SLCO6A1: variants seen among roughly 807,000 people sequenced by gnomAD.
The protein encoded by SLCO6A1 is solute carrier organic anion transporter family member 6A1.
A neutral mutation model predicts 72.7 loss-of-function variants in SLCO6A1; 65 were observed. The ratio of observed to expected loss-of-function variants is 0.89; its 90% CI spans 0.73 to 1.10. The LOEUF (loss-of-function observed/expected upper bound fraction) is 1.10, where lower values mean the gene tolerates loss of function less well. SLCO6A1 is among the 50% of genes least tolerant of loss of function. The pLI is 0.00. For synonymous variants in SLCO6A1, 314 were observed against 298.2 expected (o/e 1.05, Z -0.55); for missense variants, 874 against 872.6 (o/e 1.00, Z -0.02).
intron 9 of SLCO6A1, among the ~76,000 whole-genome samples, chr5:102,405,942 G>T (rs1245756660): frequency 2.6e-5 from 4 of 151,942 alleles, no homozygotes; most frequent in Non-Finnish European, 5.9e-5. Flanking sequence ...TATATGGTGA[G>T]TTTTATATTA....
chr5:102,461,198 T>C (rs1580469645), intron 4 of SLCO6A1, among the ~76,000 whole-genome samples: 1 of 151,878 alleles, frequency 6.6e-6, no homozygotes, highest in East Asian at 1.9e-4. Context: ...ATATATAAAA[T>C]ATAGAGCTTC....
At chr5:102,379,773 C>CA (rs10672287) in intron 12 of SLCO6A1, among the ~76,000 whole-genome samples, 46,940 of 140,860 alleles carry the variant, frequency 0.33, 7,917 homozygotes, top group Non-Finnish European at 0.39. Flanking sequence ...TTGTCAATTT[C>CA]AAAAAAAAAA....
chr5:102,490,032 A>T (rs1241067207), intron 1 of SLCO6A1, among the ~76,000 whole-genome samples: 1 of 152,214 alleles, frequency 6.6e-6, no homozygotes, highest in Non-Finnish European at 1.5e-5. Flanking sequence ...GTATAATCTA[A>T]AAAGGTTGAT....
In SLCO6A1 at chr5:102,480,237, G is replaced by A; in HGVS notation, c.556C>T (p.Leu186Phe). Residue 186 changes from leucine (L) to phenylalanine (F), a missense_variant, in exon 2 of 14, where the codon CTT becomes TTT. Transcript: ENST00000506729. The part of the protein sequence containing the change: ...ASSFLIGLGS[L>F]LCAFPSINEE... ...TTAATGGATGGAAAAGCACATAAAA[G>A]TGATCCAAGTCCTATTAAAAAGGAG... is the stretch of plus-strand genomic sequence containing the variant. The A allele has an allele frequency of 6.2e-7, 1 of 1,612,666 alleles. No homozygotes were observed. The highest frequency in any genetic ancestry group is 8.5e-7 in the Non-Finnish European group (1 of 1,179,224).
chr5:102,449,713 G>A (rs1024643491), intron 6 of SLCO6A1, among the ~76,000 whole-genome samples: 11 of 152,058 alleles, frequency 7.2e-5, no homozygotes, highest in Non-Finnish European at 1.3e-4. Flanking sequence ...GTGAGATTGG[G>A]GAAATTTTTG....
At chr5:102,417,809 A>G (rs1035119362) in intron 8 of SLCO6A1, among the ~76,000 whole-genome samples, 3 of 152,026 alleles carry the variant, frequency 2.0e-5, no homozygotes, top group African/African-American at 7.2e-5. Context: ...CCTGGCCAAT[A>G]TGGTGAACCC....
At chr5:102,420,844 A>G (rs1157679109) in intron 7 of SLCO6A1, among the ~76,000 whole-genome samples, 2 of 152,192 alleles carry the variant, frequency 1.3e-5, no homozygotes, top group Non-Finnish European at 2.9e-5. Context: ...AATGACATAA[A>G]GAGCTCCAGT....
At chr5:102,433,682 C>T (rs775284555) in intron 7 of SLCO6A1, among the ~76,000 whole-genome samples, 2 of 152,090 alleles carry the variant, frequency 1.3e-5, no homozygotes, top group Non-Finnish European at 2.9e-5. Flanking sequence ...CTCCAATGGA[C>T]GGTGGCAGCC....
chr5:102,413,025 C>T lies in SLCO6A1; in HGVS notation c.1591G>A (p.Gly531Arg), dbSNP rs1207061453. 1 of 1,555,438 alleles carries T rather than the reference C, an allele frequency of 6.4e-7. No individual in the cohort carries two copies. The highest frequency in any genetic ancestry group is 2.4e-5 in the East Asian group (1 of 41,726). ...TTTTGTGCTTTAGAATATGTACACC[C>T]TGCAAAGCAGGGAGAAAAATATTCA... ...DIEYFSPCFA[G>R]CTYSKAQNQK... Residue 531 changes from glycine to arginine, a missense_variant, in exon 9 of 14, where the codon GGG becomes AGG. Gly to Arg is a moderately radical substitution (Grantham distance 125, BLOSUM62 -2). Transcript: ENST00000506729.
intron 4 of SLCO6A1, among the ~76,000 whole-genome samples, chr5:102,469,520 CTT>C (rs1321294259): frequency 6.6e-6 from 1 of 152,134 alleles, no homozygotes; most frequent in African/African-American, 2.4e-5. Context: ...TATCCTGAGA[CTT>C]TGCTGAAGTT....
At chr5:102,460,698 T>C in intron 4 of SLCO6A1, among the ~76,000 whole-genome samples, 1 of 151,896 alleles carries the variant, frequency 6.6e-6, no homozygotes, top group Non-Finnish European at 1.5e-5. Flanking sequence ...TTGGAAGTGC[T>C]GGTTTTTCAT....
intron 1 of SLCO6A1, among the ~76,000 whole-genome samples, chr5:102,484,324 G>A (rs1300647028): frequency 1.3e-5 from 2 of 151,968 alleles, no homozygotes; most frequent in Admixed American, 6.6e-5. Flanking sequence ...GTTTCTCCTG[G>A]TTCAATGACC....
At chr5:102,445,916 C>T (rs560922607) in intron 6 of SLCO6A1, among the ~76,000 whole-genome samples, 11 of 152,176 alleles carry the variant, frequency 7.2e-5, no homozygotes, top group Non-Finnish European at 1.0e-4. Flanking sequence ...TATTCTGTTC[C>T]ATTGGTCTCT....
intron 12 of SLCO6A1, 99 bp from the exon 13 acceptor site, chr5:102,373,593 C>A: frequency 1.2e-6 from 1 of 800,192 alleles, no homozygotes; most frequent in Non-Finnish European, 1.7e-6. Flanking sequence ...CATATTTCAC[C>A]TATAAAGGTA....
intron 4 of SLCO6A1, among the ~76,000 whole-genome samples, chr5:102,460,960 A>G (rs905018334): frequency 7.5e-5 from 5 of 66,264 alleles, no homozygotes; most frequent in Admixed American, 1.5e-4. Context: ...ATATATCTGC[A>G]TATGCTACAC....
chr5:102,498,195 TA>T (rs141099641), intron 1 of SLCO6A1, among the ~76,000 whole-genome samples: 13,048 of 152,118 alleles, frequency 0.086, 638 homozygotes, highest in African/African-American at 0.12. Context: ...ATTTGAGCAA[TA>T]AAAAAACTCT....
intron 12 of SLCO6A1, among the ~76,000 whole-genome samples, chr5:102,378,253 G>A (rs367572071): frequency 1.3e-5 from 2 of 152,118 alleles, no homozygotes; most frequent in South Asian, 4.1e-4. Context: ...ATTAGTTCAT[G>A]TCCTTTGTAG....
chr5:102,453,764 T>C (rs1026072804), intron 6 of SLCO6A1, among the ~76,000 whole-genome samples: 1 of 152,188 alleles, frequency 6.6e-6, no homozygotes, highest in Non-Finnish European at 1.5e-5. Flanking sequence ...TGGGTCAGCA[T>C]ACCTTGATGG....
chr5:102,373,907 C>T (rs1186172393), intron 12 of SLCO6A1, among the ~76,000 whole-genome samples: 1 of 152,062 alleles, frequency 6.6e-6, no homozygotes, highest in Non-Finnish European at 1.5e-5. Context: ...ATTAATTTTG[C>T]AGGTTTTTTC....
Sources: allele counts gnomAD v4.1 joint callset (sites outside exome capture counted in the v4.1 genomes callset), GRCh38; gene constraint gnomAD v4.1.1; transcripts MANE v1.5; gene names NCBI Gene and HGNC (gene_info 2026-07-23, HGNC 2026-07-21).